RNF207: variants seen among roughly 807,000 people sequenced by gnomAD.
RNF207 encodes OTTHUMG00000001089.
Under a neutral mutation model 79.0 loss-of-function variants are expected in RNF207, and 72 were observed. The ratio of observed to expected loss-of-function variants is 0.91; its 90% CI spans 0.75 to 1.11. RNF207 has a LOEUF of 1.11. RNF207 is among the 50% of genes least tolerant of loss of function. RNF207 has a pLI of 0.00. For missense variants in RNF207, 936 were observed against 855.8 expected (o/e 1.09, Z -1.17); for synonymous variants, 348 against 366.2 (o/e 0.95, Z 0.57).
rs773252516 is a variant in RNF207, at chr1:6,212,067, G to T, written c.1296+14G>T. 2.5e-6 allele frequency: 4 copies of T among 1,581,590 alleles called. No homozygotes were observed. Among genetic ancestry groups the T allele is most frequent in the African/African-American group, 2.8e-5 (2 of 70,570 alleles). On this transcript the variant is annotated intron_variant, in intron 13 of 17. Coordinates refer to ENST00000377939, the MANE Select transcript of RNF207 (RefSeq NM_207396.3). Reference sequence around the variant, plus strand: ...GACTCCTACCGGGTGAGGGGGCAGGGATCTGCCGGAGGGGGGAGATGTCCT... The same window carrying T: ...GACTCCTACCGGGTGAGGGGGCAGGTATCTGCCGGAGGGGGGAGATGTCCT...
chr1:6,218,956 C>T (rs975305894), intron 17 of RNF207, among the ~76,000 whole-genome samples: 2 of 152,112 alleles, frequency 1.3e-5, no homozygotes, highest in South Asian at 2.1e-4. Flanking sequence ...CCTGCACAGC[C>T]GCCATTTATT....
Position 6,209,975 on chromosome 1 carries a change from G to A in RNF207, c.800+5G>A. ...GCTGCTGCAGGCTGTGCAGAGGTGA[G>A]TTGGGGGGAGCGGGGCTTGCTTCCC... On this transcript the variant is annotated splice_donor_5th_base_variant and intron_variant, in intron 8 of 17. Transcript: ENST00000377939. 2 of 1,584,182 alleles carry A rather than the reference G, an allele frequency of 1.3e-6. No homozygotes were observed. Among genetic ancestry groups the A allele is most frequent in the South Asian group, 1.1e-5 (1 of 87,332 alleles).
At chr1:6,209,670 A>G (rs1400096733) in intron 7 of RNF207, 131 bp downstream of exon 7, 1 of 1,209,492 alleles carries the variant, frequency 8.3e-7, no homozygotes, top group East Asian at 2.8e-5. Flanking sequence ...TGGAGTTGCT[A>G]GGAGAGCTGG....
Position 6,206,732 on chromosome 1 carries a change from T to G in RNF207, c.191+6T>G, listed in dbSNP as rs1667919150. ...CTCACCTGCCCGCTGTGCCAGTAAG[T>G]GTCCCAAAGTTCCCCAAAACCCCCC... On this transcript the variant is annotated splice_donor_region_variant and intron_variant, in intron 2 of 17. Transcript: ENST00000377939. 2 of 1,599,116 alleles carry G rather than the reference T, an allele frequency of 1.3e-6. No homozygotes were observed. The highest frequency in any genetic ancestry group is 2.7e-5 in the African/African-American group (2 of 74,966).
chr1:6,219,322 A>G lies in RNF207; in HGVS notation c.1820A>G (p.Glu607Gly), dbSNP rs371276379. 4.0e-5 allele frequency: 64 copies of G among 1,613,584 alleles called. No individual in the cohort carries two copies. Among genetic ancestry groups the G allele is most frequent in the Non-Finnish European group, 5.2e-5 (61 of 1,179,854 alleles). Reference protein sequence around the residue: ...NSWAPNGLSEEPLLKNMDHHR... With the variant: ...NSWAPNGLSEGPLLKNMDHHR... ...TGGGCTCCGAACGGCCTCTCAGAAG[A>G]GCCTCTACTGAAAAATATGGATCAT... Residue 607 changes from glutamate to glycine, a missense_variant, in exon 18 of 18, where the codon GAG (glutamate) becomes GGG (glycine). Glu to Gly is a moderately conservative substitution (Grantham distance 98). Transcript: ENST00000377939.
rs1571217902 is a variant in RNF207 at position 6,219,459 on chromosome 1, G to C, written c.*52G>C. The C allele has an allele frequency of 7.6e-7, 1 of 1,315,566 alleles. No individual in the cohort carries two copies. The allele number at this position is 1,315,566 out of a possible 1,614,324, so 81.5% of individuals were successfully genotyped here. ...GCTCTTAGAGCAGGCACAAGACTGG[G>C]ACACTGGACAGAAGGTTGTTCCCAT... On this transcript the variant is annotated 3_prime_UTR_variant, in exon 18 of 18. Coordinates refer to ENST00000377939, the MANE Select transcript of RNF207 (RefSeq NM_207396.3).
At position 6,218,265 on chromosome 1, in the gene RNF207, T is replaced by C. The variant is rs200702720; in HGVS notation, c.1653-24T>C. The C allele has an allele frequency of 2.3e-4, 362 of 1,590,332 alleles. 1 individual carries two copies. Among genetic ancestry groups the C allele is most frequent in the Non-Finnish European group, 1.0e-4 (117 of 1,158,624 alleles). On this transcript the variant is annotated intron_variant, in intron 16 of 17. Coordinates refer to ENST00000377939, the MANE Select transcript of RNF207 (RefSeq NM_207396.3). ...AGCAGCTGGCTCTGCTCCCTTGAGA[T>C]TCTGGTGCCCACTCCCTTGCCAGGT...
chr1:6,209,840 G>A (rs1426300706), intron 7 of RNF207, 84 bp from the exon 8 acceptor site: 17 of 1,411,228 alleles, frequency 1.2e-5, no homozygotes, highest in Non-Finnish European at 1.5e-5. Flanking sequence ...GTAACCAGCA[G>A]GTGGCTGGGG....
Position 6,219,414 on chromosome 1 carries a change from G to C in RNF207, c.*7G>C, listed in dbSNP as rs762545469. 1.9e-6 allele frequency: 3 copies of C among 1,592,522 alleles called. No homozygotes were observed. The highest frequency in any genetic ancestry group is 8.6e-7 in the Non-Finnish European group (1 of 1,167,830). The stretch of plus-strand genomic sequence containing the variant: ...GAGGGAACACCCGACTTAGCAAATG[G>C]GACCGGTCCCCAGGGTCAGGCTCTT... On this transcript the variant is annotated 3_prime_UTR_variant, in exon 18 of 18. Coordinates refer to ENST00000377939, the MANE Select transcript of RNF207 (RefSeq NM_207396.3).
At position 6,207,158 on chromosome 1, in the gene RNF207, G is replaced by T. The variant is rs1667941286; in HGVS notation, c.192-221G>T. On this transcript the variant is annotated intron_variant, in intron 2 of 17. Transcript: ENST00000377939. The surrounding 1 kb of genome is among the most constrained non-coding windows in gnomAD (Gnocchi z 4.5). Reference sequence around the variant, plus strand: ...GGAGCAGCTTCTGCTTTTGATACTAGGGGACCAACCCCACTGTCTGCAGGA... The same window carrying T: ...GGAGCAGCTTCTGCTTTTGATACTATGGGACCAACCCCACTGTCTGCAGGA... Among the ~76,000 whole-genome samples the T allele has an allele frequency of 6.6e-6, 1 of 152,170 alleles. No homozygotes were observed. The highest frequency in any genetic ancestry group is 2.1e-4 in the South Asian group (1 of 4,826).
At chr1:6,208,796 C>CA (rs1312412586) in intron 3 of RNF207, 85 bp from the exon 4 acceptor site, 2 of 1,385,666 alleles carry the variant, frequency 1.4e-6, no homozygotes, top group African/African-American at 3.0e-5. Context: ...CTGGGACAAA[C>CA]ACGCGCAGTG....
In RNF207 at chr1:6,207,334, C is replaced by T. The variant is rs1423492290; in HGVS notation, c.192-45C>T. The T allele has an allele frequency of 3.3e-6, 5 of 1,499,492 alleles. No homozygotes were observed. In the Admixed American group the frequency reaches 9.2e-5, roughly 27 times the overall value. The allele number at this position is 1,499,492 out of a possible 1,614,324, so 92.9% of individuals were successfully genotyped here. A position where few individuals can be genotyped will look rare whatever the true frequency, so the allele number is the denominator to read the frequency against. On this transcript the variant is annotated intron_variant, in intron 2 of 17. Coordinates refer to ENST00000377939, the MANE Select transcript of RNF207 (RefSeq NM_207396.3). This position sits in a 1 kb window ranked among gnomAD's most constrained non-coding sequence, Gnocchi z 4.5. ...ATGTGAGGGGTGGGGGTGGGGAGCC[C>T]TGGGGAAGGGGTATCAGAATCTCGG... is the stretch of plus-strand genomic sequence containing the variant.
rs777536099 is a variant in RNF207 at position 6,209,184 on chromosome 1, G to C, written c.539G>C (p.Arg180Pro). 1 of 1,554,848 alleles carries C rather than the reference G, an allele frequency of 6.4e-7. No individual in the cohort carries two copies. The highest frequency in any genetic ancestry group is 1.2e-5 in the South Asian group (1 of 84,622). The change falls in exon 5 of 18, where the codon CGC becomes CCC. Residue 180 changes from arginine (R) to proline (P), a missense_variant. Transcript: ENST00000377939. ...TTGCTGTTGTGCATCCGCTGCTTCC[G>C]CGACATGCAGAAGTGCGTACAGGGG... is the stretch of plus-strand genomic sequence containing the variant. ...KKLLLCIRCF[R>P]DMQKESRAHC...
At chr1:6,218,136 A>G (rs558352714) in intron 16 of RNF207, among the ~76,000 whole-genome samples, 153 bp from the exon 17 acceptor site, 4 of 152,382 alleles carry the variant, frequency 2.6e-5, no homozygotes, top group Admixed American at 1.3e-4. Context: ...CTTGCCAACC[A>G]CTGGACCTTA....
At chr1:6,212,504 G>A in intron 14 of RNF207, 88 bp downstream of exon 14, 2 of 1,369,526 alleles carry the variant, frequency 1.5e-6, no homozygotes, top group South Asian at 2.6e-5. Context: ...AAGAGGACCT[G>A]GCCTGTACCC....
At chr1:6,215,633 A>C (rs1300842086) in intron 16 of RNF207, among the ~76,000 whole-genome samples, 2 of 152,084 alleles carry the variant, frequency 1.3e-5, no homozygotes, top group African/African-American at 2.4e-5. Flanking sequence ...TTCTCCCTGA[A>C]GTGTTTCCTC....
chr1:6,209,277 G>A lies in RNF207; in HGVS notation c.561G>A (p.Arg187=). 1 of 1,549,076 alleles carries A rather than the reference G, an allele frequency of 6.5e-7. No individual in the cohort carries two copies. Among genetic ancestry groups the A allele is most frequent in the Non-Finnish European group, 8.7e-7 (1 of 1,146,660 alleles). ...RCFRDMQKES[R]AHCVDLESAY... is the part of the protein sequence containing the mutation. ...CCGCCGCCTTCTGCAGGGAGAGCCGGGCACACTGCGTGGACCTGGAATCGG... is the reference window on the plus strand; with the variant it reads ...CCGCCGCCTTCTGCAGGGAGAGCCGAGCACACTGCGTGGACCTGGAATCGG... Residue 187 remains arginine (R), a synonymous_variant, in exon 6 of 18, where the codon CGG becomes CGA. Transcript: ENST00000377939.
rs1307568950 is a variant in RNF207 at position 6,207,832 on chromosome 1, G to A, written c.324+321G>A. ...GCAGTCCAGTTTGCAGGCCTGGGCCGACCCTGAAGGGCCTCTGCTACCCAA... is the reference window on the plus strand; with the variant it reads ...GCAGTCCAGTTTGCAGGCCTGGGCCAACCCTGAAGGGCCTCTGCTACCCAA... On this transcript the variant is annotated intron_variant, in intron 3 of 17. Transcript: ENST00000377939. This position sits in a 1 kb window ranked among gnomAD's most constrained non-coding sequence, Gnocchi z 4.5. 9 of 536,204 alleles carry A rather than the reference G, an allele frequency of 1.7e-5. No homozygotes were observed. In the East Asian group the frequency reaches 2.9e-4, roughly 17 times the overall value. The allele number at this position is 536,204 out of a possible 1,614,324, so 33.2% of individuals were successfully genotyped here.
At chr1:6,209,626 A>C in intron 7 of RNF207, 87 bp downstream of exon 7, 1 of 1,368,700 alleles carries the variant, frequency 7.3e-7, no homozygotes, top group Non-Finnish European at 9.5e-7. Context: ...TTTCCAGTGT[A>C]GTGGGGCAGC....
Sources: allele counts gnomAD v4.1 joint callset (sites outside exome capture counted in the v4.1 genomes callset), GRCh38; gene constraint gnomAD v4.1.1; non-coding constraint Gnocchi (gnomAD v3.1); transcripts MANE v1.5; gene names NCBI Gene and HGNC (gene_info 2026-07-23, HGNC 2026-07-21).